The following CENPF variants were observed in gnomAD, a reference collection of about 807,000 sequenced individuals.
CENPF encodes the protein centromere protein F.
In CENPF, 214 loss-of-function variants were observed where a neutral mutation model predicts 307.3. The observed-to-expected ratio is 0.70, with a 90% confidence interval of 0.62 to 0.78. The LOEUF (loss-of-function observed/expected upper bound fraction) is 0.78. CENPF is among the 30% of genes least tolerant of loss of function. The pLI is 0.00. For missense variants in CENPF, 3,401 were observed against 3,483.9 expected (o/e 0.98, Z 0.60); for synonymous variants, 1,259 against 1,270.6 (o/e 0.99, Z 0.19).
In CENPF at chr1:214,640,473, A is replaced by T. The variant is rs1434083598; in HGVS notation, c.2135A>T (p.Gln712Leu). 1 of 1,614,142 alleles carries T rather than the reference A, an allele frequency of 6.2e-7. No homozygotes were observed. Among genetic ancestry groups the T allele is most frequent in the South Asian group, 1.1e-5 (1 of 91,074 alleles). ...ELQQKAEFSD[Q>L]KHQKEIENMC... is the part of the protein sequence containing the mutation. ...CAGCAGAAAGCTGAGTTCTCAGATC[A>T]GAAACATCAGAAGGAAATAGAAAAT... The change falls in exon 12 of 20, where the codon CAG (glutamine) becomes CTG (leucine). Residue 712 changes from glutamine (Q) to leucine (L), a missense_variant. Gln to Leu is a moderately radical substitution (Grantham distance 113). Transcript: ENST00000366955.
intron 11 of CENPF, among the ~76,000 whole-genome samples, chr1:214,639,092 G>A (rs12060881): frequency 1.3e-5 from 2 of 152,200 alleles, no homozygotes; most frequent in African/African-American, 4.8e-5. Context: ...TGATGTCTGA[G>A]ATTGTAATAC....
intron 11 of CENPF, among the ~76,000 whole-genome samples, chr1:214,638,907 T>A (rs1658031856): frequency 6.6e-6 from 1 of 152,248 alleles, no homozygotes; most frequent in Non-Finnish European, 1.5e-5. Context: ...GAAGGGAAAC[T>A]GTAAGAAAAG....
chr1:214,662,859 A>G (rs1658822744), intron 19 of CENPF, among the ~76,000 whole-genome samples: 1 of 151,672 alleles, frequency 6.6e-6, no homozygotes, highest in Non-Finnish European at 1.5e-5. Flanking sequence ...GGCTCACTGC[A>G]GCTTCAAACT....
chr1:214,608,446 A>G lies in CENPF; in HGVS notation c.-42+5125A>G, dbSNP rs564755615. 1.6e-4 allele frequency: 264 copies of G among 1,613,308 alleles called. No homozygotes were observed. In the African/African-American group the frequency reaches 2.9e-3, roughly 18 times the overall value. ...GCAATGGAGGCGGGAGCCCAGGCCAATGTAGAAGCTGCTCATCTGGCCCAG... is the reference window on the plus strand; with the variant it reads ...GCAATGGAGGCGGGAGCCCAGGCCAGTGTAGAAGCTGCTCATCTGGCCCAG... On this transcript the variant is annotated intron_variant, in intron 1 of 19. Coordinates refer to ENST00000366955, the MANE Select transcript of CENPF (RefSeq NM_016343.4).
At chr1:214,654,176 C>CAT (rs958547416) in intron 16 of CENPF, 43 of 152,046 alleles carry the variant, frequency 2.8e-4, no homozygotes, top group African/African-American at 1.0e-3. Flanking sequence ...ATGCATATGC[C>CAT]ATATATAATA....
chr1:214,629,297 G>A (rs1657741284), intron 8 of CENPF, 126 bp downstream of exon 8: 13 of 894,378 alleles, frequency 1.5e-5, no homozygotes, highest in Admixed American at 3.0e-5. Context: ...GAAATGCTTT[G>A]TGAGCTAAAG....
In CENPF at chr1:214,642,706, T is replaced by G. The variant is rs925575966; in HGVS notation, c.4368T>G (p.Phe1456Leu). ...NLVLSTNLRNFQGDLVKEMQL... is the reference protein window; with the variant it reads ...NLVLSTNLRNLQGDLVKEMQL... ...TCTTGTCAACGAATCTGAGAAACTT[T>G]CAAGGTGACTTGGTGAAGGAGATGC... Residue 1456 changes from phenylalanine (F) to leucine (L), a missense_variant, in exon 12 of 20, where the codon TTT (phenylalanine) becomes TTG (leucine). Phe to Leu is a conservative substitution (Grantham distance 22, BLOSUM62 0). Coordinates refer to ENST00000366955, the MANE Select transcript of CENPF (RefSeq NM_016343.4). 1 of 1,614,174 alleles carries G rather than the reference T, an allele frequency of 6.2e-7. No individual in the cohort carries two copies. The highest frequency in any genetic ancestry group is 1.1e-5 in the South Asian group (1 of 91,090).
Position 214,605,994 on chromosome 1 carries a change from A to G in CENPF, c.-42+2673A>G, listed in dbSNP as rs1657017111. ...GGCGAATGCAGCACCACCGCGGCAC[A>G]CTCGTAGCGCGAGGCCAGGTCCACG... On this transcript the variant is annotated intron_variant, in intron 1 of 19. Coordinates refer to ENST00000366955, the MANE Select transcript of CENPF (RefSeq NM_016343.4). 3.8e-6 allele frequency: 6 copies of G among 1,596,830 alleles called. No homozygotes were observed. In the African/African-American group the frequency reaches 5.3e-5, roughly 14 times the overall value.
rs1187625672 is a variant in CENPF, at chr1:214,646,241, G to A, written c.6671G>A (p.Gly2224Asp). ...NLTKQIQEKQ[G>D]QLSELDKLLS... The stretch of plus-strand genomic sequence containing the variant: ...ACAAAACAAATACAAGAAAAACAAG[G>A]TCAGTTGTCAGAACTAGACAAGTTA... Residue 2224 changes from glycine (G) to aspartate (D), a missense_variant, in exon 13 of 20, where the codon GGT becomes GAT. Physicochemically the swap from Gly to Asp is moderately conservative, Grantham distance 94 (BLOSUM62 -1). Coordinates refer to ENST00000366955, the MANE Select transcript of CENPF (RefSeq NM_016343.4). The A allele has an allele frequency of 1.2e-6, 2 of 1,613,710 alleles. No homozygotes were observed. Among genetic ancestry groups the A allele is most frequent in the Non-Finnish European group, 1.7e-6 (2 of 1,179,974 alleles).
chr1:214,639,335 G>T (rs1484060439), intron 11 of CENPF, among the ~76,000 whole-genome samples: 1 of 152,154 alleles, frequency 6.6e-6, no homozygotes, highest in Non-Finnish European at 1.5e-5. Flanking sequence ...TACTATGAGG[G>T]GCTGGGATGG....
chr1:214,643,143 A>G lies in CENPF; in HGVS notation c.4805A>G (p.Tyr1602Cys). 6.3e-7 allele frequency: 1 copy of G among 1,598,574 alleles called. No homozygotes were observed. The highest frequency in any genetic ancestry group is 8.5e-7 in the Non-Finnish European group (1 of 1,175,134). ...GAGCTTGACTGCCTTAGGAAGCAGTATTTGTCAGAAAATGAACAGTGGCAA... is the reference window on the plus strand; with the variant it reads ...GAGCTTGACTGCCTTAGGAAGCAGTGTTTGTCAGAAAATGAACAGTGGCAA... The part of the protein sequence containing the change: ...RQELDCLRKQ[Y>C]LSENEQWQQK... Residue 1602 changes from tyrosine (Y) to cysteine (C), a missense_variant, in exon 12 of 20, where the codon TAT becomes TGT. Transcript: ENST00000366955.
rs1197036014 is a variant in CENPF, at chr1:214,642,448, T to C, written c.4110T>C (p.Gly1370=). 3 of 1,596,378 alleles carry C rather than the reference T, an allele frequency of 1.9e-6. No homozygotes were observed. The highest frequency in any genetic ancestry group is 1.3e-5 in the African/African-American group (1 of 74,300). The part of the protein sequence containing the change: ...LVEDIPGGEF[G]EQPNEQHPVS... ...AAGACATACCAGGAGGTGAATTTGG[T>C]GAACAACCAAATGAACAGCACCCTG... is the stretch of plus-strand genomic sequence containing the variant. The change falls in exon 12 of 20, where the codon GGT becomes GGC. Residue 1370 remains glycine, a synonymous_variant. Transcript: ENST00000366955.
In CENPF at chr1:214,644,985, A is replaced by G. The variant is rs1220412877; in HGVS notation, c.5415A>G (p.Lys1805=). The change falls in exon 13 of 20, where the codon AAA becomes AAG. Residue 1805 remains lysine, a synonymous_variant. Coordinates refer to ENST00000366955, the MANE Select transcript of CENPF (RefSeq NM_016343.4). ...RKVESLLNEM[K]ELDSKLHLQE... ...TTGAAAGTTTGCTAAATGAAATGAA[A>G]GAATTAGACTCAAAACTCCATTTAC... is the stretch of plus-strand genomic sequence containing the variant. 5 of 1,613,110 alleles carry G rather than the reference A, an allele frequency of 3.1e-6. No homozygotes were observed. Among genetic ancestry groups the G allele is most frequent in the Non-Finnish European group, 4.2e-6 (5 of 1,179,680 alleles).
rs1658864167 is a variant in CENPF, at chr1:214,664,332, C to T, written c.*538C>T. ...TGTAGGAGTGTTTATCTTTCTCTTA[C>T]AATCTGTTTTAGACATCTTTGCTTA... On this transcript the variant is annotated 3_prime_UTR_variant, in exon 20 of 20. Transcript: ENST00000366955. 2 of 153,466 alleles carry T rather than the reference C, an allele frequency of 1.3e-5. No homozygotes were observed. The highest frequency in any genetic ancestry group is 4.1e-4 in the South Asian group (2 of 4,898). The allele number at this position is 153,466 out of a possible 1,614,324, so 9.5% of individuals were successfully genotyped here. A position where few individuals can be genotyped will look rare whatever the true frequency, so the allele number is the denominator to read the frequency against.
chr1:214,652,650 G>A (rs1041883856), intron 15 of CENPF, among the ~76,000 whole-genome samples, 178 bp from the exon 16 acceptor site: 21 of 147,192 alleles, frequency 1.4e-4, no homozygotes, highest in South Asian at 4.3e-4. Flanking sequence ...TCACCATGTT[G>A]GCCAGGATGG....
chr1:214,606,507 G>C (rs1001651679), intron 1 of CENPF, among the ~76,000 whole-genome samples: 19 of 151,950 alleles, frequency 1.3e-4, no homozygotes, highest in Non-Finnish European at 1.6e-4. Context: ...CCAGGACAGC[G>C]GACACTCTTC....
intron 7 of CENPF, among the ~76,000 whole-genome samples, chr1:214,627,369 CTTTT>C (rs10686407): frequency 3.6e-5 from 3 of 83,974 alleles, no homozygotes; most frequent in East Asian, 6.8e-4. Context: ...CCCTCAGGCT[CTTTT>C]TTTTTTTTTT....
In CENPF at chr1:214,640,137, G is replaced by A. The variant is rs768919228; in HGVS notation, c.1799G>A (p.Ser600Asn). The A allele has an allele frequency of 1.3e-6, 2 of 1,583,502 alleles. No individual in the cohort carries two copies. Among genetic ancestry groups the A allele is most frequent in the Non-Finnish European group, 1.7e-6 (2 of 1,171,748 alleles). Residue 600 changes from serine to asparagine, a missense_variant, in exon 12 of 20, where the codon AGT (serine) becomes AAT (asparagine). Transcript: ENST00000366955. Reference protein sequence around the residue: ...KTEKESKALLSALELKKKEYE... With the variant: ...KTEKESKALLNALELKKKEYE... ...GAGAAAGAGTCCAAAGCCTTGCTGA[G>A]TGCTTTAGAGTTAAAAAAGAAAGAA...
In CENPF at chr1:214,641,787, T is replaced by A; in HGVS notation, c.3449T>A (p.Leu1150Ter). ...ATGCAAAAGGAAGTTAATGACTTAT[T>A]ACAAGAGAATGAACAGCTGATGAAG... ...NKMQKEVNDL[L>*]QENEQLMKVM... Residue 1150 changes from leucine to a stop codon, truncating the protein, a stop_gained, in exon 12 of 20, where the codon TTA (leucine) becomes TAA (stop). Transcript: ENST00000366955. LOFTEE classifies it high-confidence loss of function. The A allele has an allele frequency of 6.3e-7, 1 of 1,597,472 alleles. No homozygotes were observed. Among genetic ancestry groups the A allele is most frequent in the Non-Finnish European group, 8.5e-7 (1 of 1,175,882 alleles).
Sources: gnomAD v4.1 joint callset for allele counts (sites outside exome capture counted in the v4.1 genomes callset) on GRCh38, gnomAD v4.1.1 for gene constraint, MANE v1.5 for transcripts, NCBI Gene and HGNC (gene_info 2026-07-23, HGNC 2026-07-21) for gene names.